The following CCDC102B variants were observed in gnomAD, a reference collection of about 807,000 sequenced individuals.
The protein encoded by CCDC102B is coiled-coil domain-containing protein 102B.
CCDC102B carries 75 observed loss-of-function variants against 57.4 expected under a neutral mutation model. That is an observed-to-expected ratio of 1.31 (90% CI 1.08 to 1.58). The LOEUF (loss-of-function observed/expected upper bound fraction) is 1.58. Among genes scored for constraint, CCDC102B ranks in the 40% most tolerant of loss-of-function variants. CCDC102B has a pLI of 0.00. For missense variants in CCDC102B, 636 were observed against 582.6 expected, an observed-to-expected ratio of 1.09 and a Z score of -0.94; for synonymous variants, 206 against 201.9, an observed-to-expected ratio of 1.02 and a Z score of -0.17.
At chr18:68,798,823 CTG>C (rs1177196880) in intron 1 of CCDC102B, among the ~76,000 whole-genome samples, 1 of 151,706 alleles carries the variant, frequency 6.6e-6, no homozygotes, top group Non-Finnish European at 1.5e-5. Context: ...AATTATAAAA[CTG>C]AAAAAAAATC....
rs2039377694 is a variant in CCDC102B, at chr18:68,874,770, T to C, written c.1038T>C (p.Cys346=). 2 of 1,600,952 alleles carry C rather than the reference T, an allele frequency of 1.2e-6. No homozygotes were observed. The highest frequency in any genetic ancestry group is 4.5e-5 in the East Asian group (2 of 44,734). Residue 346 remains cysteine, a synonymous_variant, in exon 5 of 8, where the codon TGT becomes TGC. Transcript: ENST00000360242. ...AAAACAGCAAAGACAGAGTGATTTG[T>C]GAGTTAAGAGCAGAGGTAAGACACT... ...KSQNSKDRVI[C]ELRAELERLQ... is the part of the protein sequence containing the mutation.
intron 1 of CCDC102B, among the ~76,000 whole-genome samples, chr18:68,800,527 T>C (rs890372894): frequency 1.3e-5 from 2 of 152,178 alleles, no homozygotes; most frequent in African/African-American, 2.4e-5. Context: ...TTCTCTCTCT[T>C]ACATTTTCTT....
chr18:68,745,695 T>A (rs190406645), intron 2 of CCDC102B, among the ~76,000 whole-genome samples: 14 of 152,274 alleles, frequency 9.2e-5, no homozygotes, highest in Non-Finnish European at 1.9e-4. Context: ...TTCTTCTATC[T>A]AATTGTATTT....
chr18:68,992,333 T>C (rs956100400), intron 6 of CCDC102B, among the ~76,000 whole-genome samples: 2 of 152,168 alleles, frequency 1.3e-5, no homozygotes, highest in African/African-American at 4.8e-5. Flanking sequence ...TGCATTGACA[T>C]TGAGCTCAGG....
At chr18:68,983,166 T>A (rs1400192105) in intron 6 of CCDC102B, among the ~76,000 whole-genome samples, 1 of 151,934 alleles carries the variant, frequency 6.6e-6, no homozygotes, top group African/African-American at 2.4e-5. Context: ...AAGGTTTTTT[T>A]TTTTAGTATC....
intron 2 of CCDC102B, chr18:68,838,443 C>T (rs535282093): frequency 2.5e-5 from 25 of 984,744 alleles, no homozygotes; most frequent in South Asian, 9.4e-5. Context: ...TTTTTAGCTG[C>T]GATTAGAAAA....
chr18:68,954,634 T>C (rs1042993707), intron 6 of CCDC102B, among the ~76,000 whole-genome samples: 27 of 152,184 alleles, frequency 1.8e-4, no homozygotes, highest in African/African-American at 5.8e-4. Context: ...CCTGAAGAAA[T>C]CTTACTTTCC....
At chr18:68,939,640 A>G (rs150297726) in intron 6 of CCDC102B, among the ~76,000 whole-genome samples, 120 of 152,012 alleles carry the variant, frequency 7.9e-4, no homozygotes, top group Middle Eastern at 3.4e-3. Flanking sequence ...GCTAGAAGTC[A>G]CTGCTAGACT....
intron 2 of CCDC102B, among the ~76,000 whole-genome samples, chr18:68,763,002 A>C (rs973803088): frequency 5.3e-5 from 8 of 152,196 alleles, no homozygotes; most frequent in African/African-American, 1.9e-4. Context: ...TAGGGGGGAA[A>C]AAAGCTTCTA....
intron 6 of CCDC102B, among the ~76,000 whole-genome samples, chr18:68,947,804 C>T (rs1484464214): frequency 1.3e-5 from 2 of 151,980 alleles, no homozygotes; most frequent in Non-Finnish European, 2.9e-5. Context: ...AATAAAAATT[C>T]AAGTATAATT....
At position 68,807,868 on chromosome 18, in the gene CCDC102B, TA is replaced by T. The variant is rs915485794; in HGVS notation, c.-16+9696del. On this transcript the variant is annotated intron_variant, in intron 1 of 7. Coordinates refer to ENST00000360242, the MANE Select transcript of CCDC102B (RefSeq NM_024781.3). The stretch of plus-strand genomic sequence containing the variant: ...GATGAAAACCAGAAATATAAACACT[TA>T]AAAAAAAAGATGATTGCAGAGTTGG... Among the ~76,000 whole-genome samples, 239 of 151,120 alleles carry T rather than the reference TA, an allele frequency of 1.6e-3. 1 individual carries two copies. Among genetic ancestry groups the T allele is most frequent in the African/African-American group, 5.5e-3 (228 of 41,284 alleles).
At chr18:69,029,543 C>T (rs973423065) in intron 7 of CCDC102B, among the ~76,000 whole-genome samples, 1 of 152,140 alleles carries the variant, frequency 6.6e-6, no homozygotes, top group East Asian at 1.9e-4. Context: ...TAAATGACTG[C>T]TAAACCAACC....
chr18:68,986,739 C>A (rs1007062003), intron 6 of CCDC102B, among the ~76,000 whole-genome samples: 1 of 151,946 alleles, frequency 6.6e-6, no homozygotes, highest in Non-Finnish European at 1.5e-5. Context: ...TTTCAGGATA[C>A]AAAATCAACA....
chr18:68,927,780 A>G (rs1034667282), intron 6 of CCDC102B, among the ~76,000 whole-genome samples: 9 of 151,920 alleles, frequency 5.9e-5, no homozygotes, highest in Non-Finnish European at 1.3e-4. Flanking sequence ...TAGTTGAGTG[A>G]CCAGTATCTA....
At chr18:69,003,806 T>G (rs2051269570) in intron 6 of CCDC102B, among the ~76,000 whole-genome samples, 1 of 152,236 alleles carries the variant, frequency 6.6e-6, no homozygotes, top group Non-Finnish European at 1.5e-5. Flanking sequence ...GTTGATTTTT[T>G]TCTTTATTTT....
At chr18:68,920,699 G>A (rs753237987) in intron 6 of CCDC102B, among the ~76,000 whole-genome samples, 1 of 152,134 alleles carries the variant, frequency 6.6e-6, no homozygotes, top group Non-Finnish European at 1.5e-5. Flanking sequence ...GAAGGCAAAG[G>A]AGAAGCAGGC....
chr18:68,921,709 A>G (rs993238141), intron 6 of CCDC102B, among the ~76,000 whole-genome samples: 1 of 152,178 alleles, frequency 6.6e-6, no homozygotes, highest in Admixed American at 6.5e-5. Context: ...CTTGACAGCC[A>G]GCAAAGAAAT....
chr18:69,056,448 A>T (rs2052815988), downstream of CCDC102B, among the ~76,000 whole-genome samples: 2 of 151,912 alleles, frequency 1.3e-5, no homozygotes, highest in South Asian at 4.2e-4. Context: ...ATGCTAGTTA[A>T]ATGGCTGCTG....
chr18:69,049,016 T>C (rs1272801411), intron 7 of CCDC102B, among the ~76,000 whole-genome samples: 1 of 152,108 alleles, frequency 6.6e-6, no homozygotes, highest in Non-Finnish European at 1.5e-5. Context: ...TATGTTACCA[T>C]CATCAAAGGT....
Sources: allele counts gnomAD v4.1 joint callset (sites outside exome capture counted in the v4.1 genomes callset), GRCh38; gene constraint gnomAD v4.1.1; transcripts MANE v1.5; gene names NCBI Gene and HGNC (gene_info 2026-07-23, HGNC 2026-07-21).